The following ADAMTS16 variants were observed in gnomAD, a reference collection of about 807,000 sequenced individuals.
ADAMTS16 encodes A disintegrin and metalloproteinase with thrombospondin motifs 16.
A neutral mutation model predicts 145.8 loss-of-function variants in ADAMTS16; 94 were observed. The ratio of observed to expected loss-of-function variants is 0.64; its 90% confidence interval spans 0.55 to 0.77. ADAMTS16 has a LOEUF of 0.77. Among genes scored for constraint, ADAMTS16 ranks in the 30% least tolerant of loss-of-function variants. The probability of loss-of-function intolerance (pLI) is 0.00; values close to 1 mark genes in which losing one functional copy is unlikely to be tolerated. For missense variants in ADAMTS16, 1,585 were observed against 1,591.5 expected (o/e 1.00, Z 0.07); for synonymous variants, 659 against 604.3 (o/e 1.09, Z -1.33).
chr5:5,210,540 T>G (rs1466346144), intron 10 of ADAMTS16, among the ~76,000 whole-genome samples: 3 of 152,194 alleles, frequency 2.0e-5, no homozygotes, highest in African/African-American at 7.2e-5. Flanking sequence ...CTGTGCCCCC[T>G]CCTTCAACCC....
At chr5:5,246,666 GT>G (rs1215792103) in intron 17 of ADAMTS16, among the ~76,000 whole-genome samples, 2 of 152,200 alleles carry the variant, frequency 1.3e-5, no homozygotes, top group African/African-American at 2.4e-5. Context: ...CAAAGTCGGT[GT>G]TGCTTTACAT....
At chr5:5,306,027 C>T (rs1320632874) in intron 20 of ADAMTS16, among the ~76,000 whole-genome samples, 2 of 152,190 alleles carry the variant, frequency 1.3e-5, no homozygotes, top group African/African-American at 4.8e-5. Flanking sequence ...GCTCTCCACG[C>T]ACGCTTCCTT....
chr5:5,260,660 G>T (rs1425385616), intron 17 of ADAMTS16, among the ~76,000 whole-genome samples: 2 of 152,220 alleles, frequency 1.3e-5, no homozygotes, highest in South Asian at 2.1e-4. Flanking sequence ...TCCGACAGTG[G>T]CTCCTGCTTT....
At chr5:5,279,867 C>T (rs1381240213) in intron 18 of ADAMTS16, among the ~76,000 whole-genome samples, 2 of 148,390 alleles carry the variant, frequency 1.3e-5, no homozygotes, top group Non-Finnish European at 3.0e-5. Context: ...TGTTTATTTT[C>T]CTTCCCTCCC....
chr5:5,254,657 T>C (rs1444746167), intron 17 of ADAMTS16, among the ~76,000 whole-genome samples: 1 of 152,208 alleles, frequency 6.6e-6, no homozygotes, highest in Non-Finnish European at 1.5e-5. Context: ...ATGGAGTTTA[T>C]GTTTGTCCTT....
Position 5,263,068 on chromosome 5 carries a change from C to T in ADAMTS16, c.2789+285C>T, listed in dbSNP as rs145993319. Among the ~76,000 whole-genome samples the T allele has an allele frequency of 3.3e-3, 506 of 152,302 alleles. 3 individuals are homozygous for T. The highest frequency in any genetic ancestry group is 0.012 in the African/African-American group (479 of 41,560). On this transcript the variant is annotated intron_variant, in intron 18 of 22. Transcript: ENST00000274181. ...TTGCAGGCTGGCAGGAGTGATAACA[C>T]GCTATGGTGATAATGATGCATTCTC... is the stretch of plus-strand genomic sequence containing the variant.
intron 3 of ADAMTS16, among the ~76,000 whole-genome samples, chr5:5,156,912 C>T (rs1459846567): frequency 1.3e-5 from 2 of 152,126 alleles, no homozygotes; most frequent in African/African-American, 4.8e-5. Flanking sequence ...TCTCAGTAAT[C>T]CCCTACCAAC....
At chr5:5,248,670 T>G (rs1737532257) in intron 17 of ADAMTS16, among the ~76,000 whole-genome samples, 1 of 152,190 alleles carries the variant, frequency 6.6e-6, no homozygotes, top group Non-Finnish European at 1.5e-5. Flanking sequence ...TTCGGAGAAG[T>G]AATATCTGAG....
At chr5:5,220,572 C>T (rs910042509) in intron 10 of ADAMTS16, among the ~76,000 whole-genome samples, 10 of 152,114 alleles carry the variant, frequency 6.6e-5, no homozygotes, top group Admixed American at 6.6e-4. Context: ...CACGGCAGAG[C>T]CCTGAACGCA....
chr5:5,205,447 A>G (rs752739565), intron 9 of ADAMTS16, among the ~76,000 whole-genome samples: 1 of 152,230 alleles, frequency 6.6e-6, no homozygotes, highest in Non-Finnish European at 1.5e-5. Context: ...AAAAGTCAAC[A>G]TTCATTTTAT....
At chr5:5,286,702 CA>C (rs552426556) in intron 18 of ADAMTS16, among the ~76,000 whole-genome samples, 129 of 151,616 alleles carry the variant, frequency 8.5e-4, no homozygotes, top group African/African-American at 3.0e-3. Flanking sequence ...ACTAAAAATA[CA>C]AAAAATTACC....
rs758551836 is a variant in ADAMTS16, at chr5:5,303,474, C to A, written c.2991+5C>A. 3.4e-5 allele frequency: 55 copies of A among 1,609,272 alleles called. No homozygotes were observed. Among genetic ancestry groups the A allele is most frequent in the Non-Finnish European group, 4.5e-5 (53 of 1,176,938 alleles). ...AGCGCCGGGCCCTGGGCAGAGGTAA[C>A]CAGGGTGGGGTTGGCATGGGTGGCA... On this transcript the variant is annotated splice_donor_5th_base_variant and intron_variant, in intron 19 of 22. Coordinates refer to ENST00000274181, the MANE Select transcript of ADAMTS16 (RefSeq NM_139056.4).
intron 18 of ADAMTS16, among the ~76,000 whole-genome samples, chr5:5,299,798 T>C (rs1739698207): frequency 6.6e-6 from 1 of 152,224 alleles, no homozygotes; most frequent in Non-Finnish European, 1.5e-5. Flanking sequence ...CCACTTTGCA[T>C]TCTTCCAGTT....
rs57628837 is a variant in ADAMTS16, at chr5:5,215,697, CAT to C, written c.1605+6466_1605+6467del. Among the ~76,000 whole-genome samples, 1,080 of 131,822 alleles carry C rather than the reference CAT, an allele frequency of 8.2e-3. 5 individuals are homozygous for C. Among genetic ancestry groups the C allele is most frequent in the Non-Finnish European group, 0.012 (736 of 63,134 alleles). 86.5% of individuals were successfully genotyped at this position (131,822 alleles called of 152,430 possible). Reference sequence around the variant, plus strand: ...TTTATGGCTGAGTAGTATTCCATTACATATATATATATATATGTGGTATATAT... The same window carrying C: ...TTTATGGCTGAGTAGTATTCCATTACATATATATATATATGTGGTATATAT... On this transcript the variant is annotated intron_variant, in intron 10 of 22. Transcript: ENST00000274181.
At chr5:5,140,826 C>A in intron 2 of ADAMTS16, 60 bp downstream of exon 2, 2 of 1,457,646 alleles carry the variant, frequency 1.4e-6, no homozygotes, top group Non-Finnish European at 1.8e-6. Flanking sequence ...AATCTCCGTG[C>A]CGCTGGTTTA....
At chr5:5,212,839 T>C (rs924215875) in intron 10 of ADAMTS16, among the ~76,000 whole-genome samples, 3 of 152,202 alleles carry the variant, frequency 2.0e-5, no homozygotes, top group African/African-American at 7.2e-5. Flanking sequence ...TTTCTATTAG[T>C]CTCATTTCTA....
intron 18 of ADAMTS16, among the ~76,000 whole-genome samples, chr5:5,276,439 T>C (rs1239646596): frequency 6.6e-6 from 1 of 152,222 alleles, no homozygotes; most frequent in Non-Finnish European, 1.5e-5. Context: ...TGTAACTTGC[T>C]AGATATCCAG....
chr5:5,202,453 G>A (rs1239756600), intron 9 of ADAMTS16, among the ~76,000 whole-genome samples: 1 of 152,128 alleles, frequency 6.6e-6, no homozygotes, highest in Non-Finnish European at 1.5e-5. Context: ...AGTACATTTA[G>A]CATTTGTTTT....
chr5:5,217,172 C>T (rs1247165654), intron 10 of ADAMTS16, among the ~76,000 whole-genome samples: 1 of 151,816 alleles, frequency 6.6e-6, no homozygotes, highest in Admixed American at 6.6e-5. Flanking sequence ...AACTGGATCC[C>T]TTCCTTACAC....
Sources: allele counts gnomAD v4.1 joint callset (sites outside exome capture counted in the v4.1 genomes callset), GRCh38; gene constraint gnomAD v4.1.1; transcripts MANE v1.5; gene names NCBI Gene and HGNC (gene_info 2026-07-23, HGNC 2026-07-21).